The following PHF6 variants were observed in gnomAD, a reference collection of about 807,000 sequenced individuals.
PHF6 encodes the protein PHD-like zinc finger protein.
PHF6 carries 7 observed loss-of-function variants against 34.0 expected under a neutral mutation model. That is an observed-to-expected ratio of 0.21 (90% confidence interval 0.12 to 0.39). The LOEUF (loss-of-function observed/expected upper bound fraction) is 0.39. PHF6 is among the 10% of genes least tolerant of loss of function. The probability of loss-of-function intolerance (pLI) is 1.00; values close to 1 mark genes in which losing one functional copy is unlikely to be tolerated. For missense variants in PHF6, 128 were observed against 262.8 expected (o/e 0.49, Z 3.55); for synonymous variants, 89 against 88.4 (o/e 1.01, Z -0.04).
chrX:134,424,656 A>G (rs2077502197), intron 9 of PHF6, among the ~76,000 whole-genome samples: 1 of 112,130 alleles, frequency 8.9e-6, no homozygotes, highest in Admixed American at 9.5e-5. Flanking sequence ...GTCTAGATTA[A>G]AAGAGACATA....
intron 5 of PHF6, among the ~76,000 whole-genome samples, 159 bp downstream of exon 5, chrX:134,394,111 A>G (rs2077366372): frequency 9.0e-6 from 1 of 111,226 alleles, no homozygotes; most frequent in Admixed American, 9.6e-5. Context: ...ACTAATGTGC[A>G]TAGTGAAAAA....
chrX:134,400,927 AGTTTG>A (rs1230693818), intron 5 of PHF6, among the ~76,000 whole-genome samples: 1 of 111,757 alleles, frequency 8.9e-6, no homozygotes, highest in Non-Finnish European at 1.9e-5. Flanking sequence ...GCAAGAGAGC[AGTTTG>A]AGCAAGATAG....
chrX:134,422,363 G>A (rs1299288614), intron 9 of PHF6, among the ~76,000 whole-genome samples: 2 of 112,120 alleles, frequency 1.8e-5, no homozygotes. Context: ...AAAAATATAT[G>A]TACTTGGATC....
chrX:134,376,296 A>G (rs1196593448), intron 1 of PHF6, among the ~76,000 whole-genome samples: 1 of 112,039 alleles, frequency 8.9e-6, no homozygotes, highest in East Asian at 2.8e-4. Flanking sequence ...TTTTCAACAT[A>G]GTATTATGAA....
intron 5 of PHF6, among the ~76,000 whole-genome samples, chrX:134,413,262 AT>A (rs1448793261): frequency 1.8e-5 from 2 of 111,985 alleles, no homozygotes; most frequent in African/African-American, 3.2e-5. Context: ...GTAAAAAAAA[AT>A]AATAATGCAA....
At chrX:134,406,066 CTTTCTTTCTT>C (rs2077422501) in intron 5 of PHF6, among the ~76,000 whole-genome samples, 1 of 49,624 alleles carries the variant, frequency 2.0e-5, no homozygotes, top group Admixed American at 2.0e-4. Context: ...TTTTCTTTTT[CTTTCTTTCTT>C]TCTTTCTTTC....
chrX:134,417,073 A>G, intron 8 of PHF6, 96 bp from the exon 9 acceptor site: 1 of 941,749 alleles, frequency 1.1e-6, no homozygotes, highest in East Asian at 3.1e-5. Context: ...TTTCAGTTAT[A>G]TGCTATGTGA....
In PHF6 at chrX:134,411,765, C is replaced by T. The variant is rs1458918842; in HGVS notation, c.419-1726C>T. Among the ~76,000 whole-genome samples the T allele has an allele frequency of 3.6e-5, 4 of 111,564 alleles. No individual in the cohort carries two copies. In the Admixed American group the frequency reaches 3.8e-4, roughly 11 times the overall value. On this transcript the variant is annotated intron_variant, in intron 5 of 10. Transcript: ENST00000370803. ...AATTCTTTTTTGAGATGGAATCTTG[C>T]TCTGTCACCCAGGCTGGAGTGCAGT...
At chrX:134,382,883 A>G (rs1447413139) in intron 3 of PHF6, among the ~76,000 whole-genome samples, 1 of 110,387 alleles carries the variant, frequency 9.1e-6, no homozygotes, top group Non-Finnish European at 1.9e-5. Flanking sequence ...CAAGAAGAGA[A>G]AGAGTTCAGA....
intron 3 of PHF6, among the ~76,000 whole-genome samples, chrX:134,387,659 G>A (rs17000604): frequency 0.027 from 3,024 of 112,059 alleles, 113 homozygotes; most frequent in African/African-American, 0.092. Flanking sequence ...CAGAAAGTCA[G>A]ATAGAGTTGG....
At chrX:134,422,489 G>A (rs2077495324) in intron 9 of PHF6, among the ~76,000 whole-genome samples, 1 of 111,157 alleles carries the variant, frequency 9.0e-6, no homozygotes, top group Admixed American at 9.6e-5. Context: ...CCCATAGGTG[G>A]GTAGTTTGGG....
At position 134,426,541 on chromosome X, in the gene PHF6, G is replaced by A. The variant is rs2077508308; in HGVS notation, c.*881G>A. 6.2e-6 allele frequency: 1 copy of A among 161,905 alleles called. No homozygotes were observed. Among genetic ancestry groups the A allele is most frequent in the African/African-American group, 3.0e-5 (1 of 33,327 alleles). 13.3% of individuals were successfully genotyped at this position (161,905 alleles called of 1,213,427 possible). ...AGTACGTAAGGAGGTCTCATGTGCT[G>A]TAGGAGTAAAAAAGTCTTTGCATAA... is the stretch of plus-strand genomic sequence containing the variant. On this transcript the variant is annotated 3_prime_UTR_variant, in exon 11 of 11. Coordinates refer to ENST00000370803, the MANE Select transcript of PHF6 (RefSeq NM_001015877.2).
At chrX:134,394,667 G>A (rs2077369604) in intron 5 of PHF6, among the ~76,000 whole-genome samples, 1 of 106,626 alleles carries the variant, frequency 9.4e-6, no homozygotes, top group Non-Finnish European at 1.9e-5. Context: ...AGCCTCCCGA[G>A]TAGCTGGGAC....
intron 8 of PHF6, among the ~76,000 whole-genome samples, chrX:134,415,521 AG>A (rs967565500): frequency 4.5e-5 from 5 of 112,059 alleles, no homozygotes; most frequent in African/African-American, 1.6e-4. Flanking sequence ...TGTTTGTCAT[AG>A]CTTTAAGGTT....
At chrX:134,377,395 C>G (rs1487088017) in intron 1 of PHF6, among the ~76,000 whole-genome samples, 177 bp from the exon 2 acceptor site, 1 of 111,333 alleles carries the variant, frequency 9.0e-6, no homozygotes, top group Non-Finnish European at 1.9e-5. Context: ...ACTTTGTTAC[C>G]CTTCTTATTC....
chrX:134,394,888 C>T (rs1267540151), intron 5 of PHF6, among the ~76,000 whole-genome samples: 1 of 103,121 alleles, frequency 9.7e-6, no homozygotes, highest in Non-Finnish European at 2.0e-5. Context: ...GACGGAATCT[C>T]GCTCTGTTGC....
intron 5 of PHF6, among the ~76,000 whole-genome samples, chrX:134,398,210 T>C (rs1021405352): frequency 2.7e-5 from 3 of 111,568 alleles, no homozygotes; most frequent in Admixed American, 9.6e-5. Flanking sequence ...CTGGACAACA[T>C]AGCGAGACCC....
At chrX:134,390,977 CTT>C (rs1216287733) in intron 3 of PHF6, among the ~76,000 whole-genome samples, 1 of 71,487 alleles carries the variant, frequency 1.4e-5, no homozygotes, top group Non-Finnish European at 2.7e-5. Context: ...TTTTTTTTTT[CTT>C]TTTTTTTTTT....
Position 134,426,968 on chromosome X carries a change from T to C in PHF6, c.*1308T>C, listed in dbSNP as rs1407080656. The C allele has an allele frequency of 8.0e-5, 13 of 163,466 alleles. No individual in the cohort carries two copies. Among genetic ancestry groups the C allele is most frequent in the Non-Finnish European group, 1.4e-4 (12 of 84,428 alleles). 13.5% of individuals were successfully genotyped at this position (163,466 alleles called of 1,213,427 possible). ...CAGATTTTTAAATAAGAAATAATAA[T>C]GTTAACTTGACTGTACATTGAGATA... On this transcript the variant is annotated 3_prime_UTR_variant, in exon 11 of 11. Coordinates refer to ENST00000370803, the MANE Select transcript of PHF6 (RefSeq NM_001015877.2).
Sources: gnomAD v4.1 joint callset for allele counts (sites outside exome capture counted in the v4.1 genomes callset) on GRCh38, gnomAD v4.1.1 for gene constraint, MANE v1.5 for transcripts, NCBI Gene and HGNC (gene_info 2026-07-23, HGNC 2026-07-21) for gene names.